RCBTB1: variants seen among roughly 807,000 people sequenced by gnomAD.
The protein encoded by RCBTB1 is RCC1 and BTB domain containing protein 1, also known as RCC1 and BTB domain-containing protein 1.
Under a neutral mutation model 62.4 loss-of-function variants are expected in RCBTB1, and 46 were observed. That is an observed-to-expected ratio of 0.74 (90% CI 0.58 to 0.94). The LOEUF (loss-of-function observed/expected upper bound fraction) is 0.94. RCBTB1 is among the 40% of genes least tolerant of loss of function. RCBTB1 has a pLI of 0.00. For synonymous variants in RCBTB1, 222 were observed against 245.8 expected, an observed-to-expected ratio of 0.90 and a Z score of 0.91; for missense variants, 565 against 654.9, an observed-to-expected ratio of 0.86 and a Z score of 1.50.
intron 9 of RCBTB1, 90 bp from the exon 10 acceptor site, chr13:49,544,953 G>T (rs1960682380): frequency 4.9e-6 from 5 of 1,020,126 alleles, no homozygotes; most frequent in Middle Eastern, 2.3e-4. Flanking sequence ...TGACCGTGAT[G>T]GATAATTCCA....
At chr13:49,544,142 G>A (rs1960613114) in intron 10 of RCBTB1, among the ~76,000 whole-genome samples, 2 of 152,182 alleles carry the variant, frequency 1.3e-5, no homozygotes, top group Non-Finnish European at 2.9e-5. Flanking sequence ...TAAATTTTCT[G>A]ATGGAAATGA....
intron 2 of RCBTB1, among the ~76,000 whole-genome samples, chr13:49,578,046 G>A (rs993182380): frequency 6.6e-6 from 1 of 152,090 alleles, no homozygotes; most frequent in Admixed American, 6.6e-5. Context: ...AAAGGGCCTT[G>A]GAAAAAAGTA....
At chr13:49,543,884 G>A (rs774132384) in intron 10 of RCBTB1, among the ~76,000 whole-genome samples, 2 of 151,914 alleles carry the variant, frequency 1.3e-5, no homozygotes, top group African/African-American at 2.4e-5. Context: ...ACAGTGTCTC[G>A]CTATATTGCC....
chr13:49,569,029 C>A (rs750863440), intron 2 of RCBTB1, among the ~76,000 whole-genome samples: 6 of 152,190 alleles, frequency 3.9e-5, no homozygotes, highest in Non-Finnish European at 7.3e-5. Context: ...TTTATTCATT[C>A]ATTTAATCCT....
At position 49,549,511 on chromosome 13, in the gene RCBTB1, T is replaced by A. The variant is rs1039375923; in HGVS notation, c.992A>T (p.Asp331Val). ...PHLTHFSCTD[D>V]VFACFATPAV... The stretch of plus-strand genomic sequence containing the variant: ...GGGAGTGGCAAAGCAGGCAAACACG[T>A]CGTCGGTGCAGGAGAAGTGGGTGAG... Residue 331 changes from aspartate (D) to valine (V), a missense_variant, in exon 9 of 13, where the codon GAC becomes GTC. By Grantham distance (152) the Asp-to-Val change is radical (BLOSUM62 -3). Transcript: ENST00000378302. 9 of 1,613,172 alleles carry A rather than the reference T, an allele frequency of 5.6e-6. No individual in the cohort carries two copies. Among genetic ancestry groups the A allele is most frequent in the Non-Finnish European group, 6.8e-6 (8 of 1,179,620 alleles).
chr13:49,540,784 C>A, intron 12 of RCBTB1, 92 bp downstream of exon 12: 1 of 1,361,838 alleles, frequency 7.3e-7, no homozygotes, highest in Admixed American at 2.2e-5. Flanking sequence ...AGTGGAGTGA[C>A]TCATCGTTTT....
intron 2 of RCBTB1, among the ~76,000 whole-genome samples, chr13:49,580,190 T>A (rs1311872731): frequency 6.6e-6 from 1 of 152,158 alleles, no homozygotes; most frequent in Non-Finnish European, 1.5e-5. Flanking sequence ...ATATCGATGA[T>A]TAGAAATAAT....
chr13:49,565,236 C>T (rs1048625445), intron 4 of RCBTB1, among the ~76,000 whole-genome samples: 1 of 152,196 alleles, frequency 6.6e-6, no homozygotes, highest in Non-Finnish European at 1.5e-5. Flanking sequence ...GGGTTGGTCT[C>T]CAGCTCCTAA....
At chr13:49,534,339 T>C (rs1959770890) in intron 12 of RCBTB1, 77 bp from the exon 13 acceptor site, 12 of 1,449,668 alleles carry the variant, frequency 8.3e-6, no homozygotes, top group Non-Finnish European at 1.0e-5. Context: ...TCTGAGCCCT[T>C]TACCCCAAAT....
At chr13:49,544,618 A>G (rs1033778004) in intron 10 of RCBTB1, 119 bp downstream of exon 10, 7 of 773,806 alleles carry the variant, frequency 9.0e-6, no homozygotes, top group Non-Finnish European at 1.4e-5. Flanking sequence ...ATCTGCAAAA[A>G]TATTAAGTAG....
At chr13:49,576,398 A>G (rs1031773766) in intron 2 of RCBTB1, among the ~76,000 whole-genome samples, 7 of 152,138 alleles carry the variant, frequency 4.6e-5, no homozygotes, top group Non-Finnish European at 1.5e-5. Flanking sequence ...AGACTGCATT[A>G]ATAAACTCAA....
At chr13:49,552,056 G>T in intron 7 of RCBTB1, 122 bp downstream of exon 7, 1 of 710,322 alleles carries the variant, frequency 1.4e-6, no homozygotes. Flanking sequence ...ATTAAATATG[G>T]AAGATGAAGG....
At chr13:49,582,979 C>T (rs1964193432) in intron 1 of RCBTB1, among the ~76,000 whole-genome samples, 1 of 152,118 alleles carries the variant, frequency 6.6e-6, no homozygotes, top group Admixed American at 6.5e-5. Context: ...GTGTTCAAGA[C>T]CAGCCTGGGC....
intron 8 of RCBTB1, chr13:49,550,030 C>T (rs1961191883): frequency 3.6e-6 from 2 of 555,194 alleles, no homozygotes; most frequent in African/African-American, 2.1e-5. Context: ...CACTCCGTCA[C>T]CCAGGCTAGA....
chr13:49,564,369 G>T (rs947338633), intron 4 of RCBTB1, among the ~76,000 whole-genome samples: 6 of 151,900 alleles, frequency 3.9e-5, no homozygotes, highest in African/African-American at 1.5e-4. Context: ...GGCGGATCAC[G>T]AGGTCAGGAG....
intron 7 of RCBTB1, among the ~76,000 whole-genome samples, chr13:49,551,849 G>C (rs935025629): frequency 4.7e-5 from 7 of 148,230 alleles, no homozygotes; most frequent in Non-Finnish European, 7.4e-5. Flanking sequence ...GCAGAGAGCT[G>C]AGATCGTGCC....
chr13:49,567,892 A>C (rs764918681), intron 2 of RCBTB1, among the ~76,000 whole-genome samples: 5 of 152,214 alleles, frequency 3.3e-5, no homozygotes, highest in African/African-American at 4.8e-5. Context: ...TGTCTTGACA[A>C]ATGTGTGTGC....
chr13:49,541,268 A>C (rs12429621), intron 11 of RCBTB1, among the ~76,000 whole-genome samples: 10,597 of 152,214 alleles, frequency 0.07, 460 homozygotes, highest in South Asian at 0.14. Flanking sequence ...TGTTTCTAAA[A>C]CGCTAAATGC....
At chr13:49,536,774 T>C (rs1247363695) in intron 12 of RCBTB1, among the ~76,000 whole-genome samples, 2 of 152,222 alleles carry the variant, frequency 1.3e-5, no homozygotes, top group Admixed American at 6.5e-5. Context: ...TATGACGTTA[T>C]GTGGCAGAAC....
Sources: gnomAD v4.1 joint callset for allele counts (sites outside exome capture counted in the v4.1 genomes callset) on GRCh38, gnomAD v4.1.1 for gene constraint, MANE v1.5 for transcripts, NCBI Gene and HGNC (gene_info 2026-07-23, HGNC 2026-07-21) for gene names.